PTPRD: variants seen among roughly 807,000 people sequenced by gnomAD.
The protein encoded by PTPRD is receptor-type tyrosine-protein phosphatase delta.
A neutral mutation model predicts 214.5 loss-of-function variants in PTPRD; 34 were observed. The observed-to-expected ratio is 0.16, with a 90% CI of 0.12 to 0.21. PTPRD has a LOEUF of 0.21. Ranked by LOEUF, PTPRD falls within the 10% of genes least tolerant of loss-of-function variation. The pLI is 1.00. For synonymous variants in PTPRD, 1,128 were observed against 845.7 expected, an observed-to-expected ratio of 1.33 and a Z score of -5.79; for missense variants, 2,545 against 2,398.7, an observed-to-expected ratio of 1.06 and a Z score of -1.27.
At chr9:9,911,810 A>C (rs1393917641) in intron 5 of PTPRD, among the ~76,000 whole-genome samples, 2 of 152,092 alleles carry the variant, frequency 1.3e-5, no homozygotes, top group African/African-American at 2.4e-5. Context: ...AAAATAATTC[A>C]TTTTAAAAAT....
chr9:8,376,641 G>A lies in PTPRD; in HGVS notation c.4472C>T (p.Ala1491Val). ...QVTLLDTVELATYCVRTFALY... is the reference protein window; with the variant it reads ...QVTLLDTVELVTYCVRTFALY... ...TGCAAATGTTCGAACACAATATGTG[G>A]CCAGCTCCACAGTATCAAGCAGCGT... Residue 1491 changes from alanine (A) to valine (V), a missense_variant, in exon 38 of 46, where the codon GCC becomes GTC. By Grantham distance (64) the Ala-to-Val change is moderately conservative. Transcript: ENST00000381196. 3.1e-6 allele frequency: 5 copies of A among 1,613,026 alleles called. No individual in the cohort carries two copies. The highest frequency in any genetic ancestry group is 4.2e-6 in the Non-Finnish European group (5 of 1,179,314).
chr9:9,461,338 C>A (rs763979413), intron 8 of PTPRD, among the ~76,000 whole-genome samples: 2 of 151,968 alleles, frequency 1.3e-5, no homozygotes, highest in African/African-American at 2.4e-5. Context: ...TAAATAAAAT[C>A]ATATCATTGT....
chr9:8,943,580 T>G (rs1203374051), intron 11 of PTPRD, among the ~76,000 whole-genome samples: 1 of 144,440 alleles, frequency 6.9e-6, no homozygotes, highest in Non-Finnish European at 1.6e-5. Flanking sequence ...ATTTATTTTA[T>G]TTATTGATTT....
chr9:8,596,707 AC>A (rs1422971996), intron 14 of PTPRD, among the ~76,000 whole-genome samples: 3 of 152,138 alleles, frequency 2.0e-5, no homozygotes, highest in Non-Finnish European at 4.4e-5. Flanking sequence ...CACATAAACT[AC>A]ATTTAATAAA....
chr9:8,807,204 G>A (rs767178947), intron 11 of PTPRD, among the ~76,000 whole-genome samples: 1 of 152,086 alleles, frequency 6.6e-6, no homozygotes, highest in African/African-American at 2.4e-5. Context: ...AGGCATGGTA[G>A]TGCATGCCTG....
At chr9:8,339,310 T>C (rs988276451) in intron 42 of PTPRD, among the ~76,000 whole-genome samples, 11 of 152,084 alleles carry the variant, frequency 7.2e-5, no homozygotes, top group Non-Finnish European at 8.8e-5. Flanking sequence ...ACGAGTTGAA[T>C]TGAGAATTGA....
intron 11 of PTPRD, among the ~76,000 whole-genome samples, chr9:9,017,738 T>C (rs1295291339): frequency 6.6e-6 from 1 of 152,172 alleles, no homozygotes; most frequent in Non-Finnish European, 1.5e-5. Context: ...TTTTTCTTTT[T>C]CAATGAAATA....
At chr9:8,623,856 T>G (rs2095905152) in intron 14 of PTPRD, among the ~76,000 whole-genome samples, 1 of 151,848 alleles carries the variant, frequency 6.6e-6, no homozygotes. Context: ...CTTCTATCAC[T>G]TCCTACACCA....
intron 10 of PTPRD, among the ~76,000 whole-genome samples, chr9:9,154,203 C>G (rs902618402): frequency 7.2e-5 from 11 of 152,158 alleles, no homozygotes; most frequent in Non-Finnish European, 1.5e-4. Flanking sequence ...CAATGAATTA[C>G]AGACTTGTGA....
At chr9:9,510,146 G>C (rs1486411512) in intron 8 of PTPRD, among the ~76,000 whole-genome samples, 2 of 151,616 alleles carry the variant, frequency 1.3e-5, no homozygotes, top group African/African-American at 4.8e-5. Context: ...GTTCCATATG[G>C]GTGGAGTAGC....
intron 7 of PTPRD, 46 bp from the exon 8 acceptor site, chr9:9,574,827 A>C (rs1468679144): frequency 6.6e-6 from 1 of 152,162 alleles, no homozygotes; most frequent in Non-Finnish European, 1.5e-5. Flanking sequence ...ACTAGTGTTC[A>C]ATTTAAATTA....
In PTPRD at chr9:8,790,828, C is replaced by T. The variant is rs78646035; in HGVS notation, c.-103-56882G>A. ...TTGTACTTTATTCTATAGACCTATG[C>T]TATCCAAAGCTATTTAAATTAATTT... On this transcript the variant is annotated intron_variant, in intron 11 of 45. Coordinates refer to ENST00000381196, the MANE Select transcript of PTPRD (RefSeq NM_002839.4). Among the ~76,000 whole-genome samples, 13 of 151,056 alleles carry T rather than the reference C, an allele frequency of 8.6e-5. No individual in the cohort carries two copies. In the East Asian group the frequency reaches 2.5e-3, roughly 29 times the overall value.
intron 12 of PTPRD, among the ~76,000 whole-genome samples, chr9:8,703,476 G>A (rs1406660478): frequency 1.3e-5 from 2 of 152,100 alleles, no homozygotes; most frequent in East Asian, 3.9e-4. Flanking sequence ...CAAGTCCAAT[G>A]GACATGTTCA....
intron 3 of PTPRD, among the ~76,000 whole-genome samples, chr9:10,299,263 C>T (rs1041214398): frequency 6.6e-6 from 1 of 151,976 alleles, no homozygotes; most frequent in African/African-American, 2.4e-5. Context: ...TTATTAACTG[C>T]AGAATATTTT....
chr9:8,906,482 T>C (rs1471761162), intron 11 of PTPRD, among the ~76,000 whole-genome samples: 1 of 152,162 alleles, frequency 6.6e-6, no homozygotes, highest in East Asian at 1.9e-4. Flanking sequence ...CCTCAAGAGG[T>C]GATCAAAGAA....
intron 37 of PTPRD, among the ~76,000 whole-genome samples, chr9:8,381,356 T>C (rs12001008): frequency 0.01 from 1,586 of 152,324 alleles, 25 homozygotes; most frequent in African/African-American, 0.036. Context: ...TATTTATTTC[T>C]ACAGGTTATA....
At chr9:10,112,576 T>C (rs948744685) in intron 3 of PTPRD, among the ~76,000 whole-genome samples, 3 of 152,184 alleles carry the variant, frequency 2.0e-5, no homozygotes, top group Non-Finnish European at 4.4e-5. Flanking sequence ...GAATGCTAGA[T>C]GTGTAACAGC....
chr9:9,747,765 C>A (rs1245211372), intron 6 of PTPRD, among the ~76,000 whole-genome samples: 1 of 152,052 alleles, frequency 6.6e-6, no homozygotes, highest in Non-Finnish European at 1.5e-5. Flanking sequence ...TTTGGCCGGG[C>A]TGGTCTCAAA....
chr9:10,451,986 A>C (rs1463488541), intron 2 of PTPRD, among the ~76,000 whole-genome samples: 1 of 152,006 alleles, frequency 6.6e-6, no homozygotes, highest in Admixed American at 6.6e-5. Flanking sequence ...GGAGCAAAGA[A>C]AGAGCTTTCC....
Sources: allele counts gnomAD v4.1 joint callset (sites outside exome capture counted in the v4.1 genomes callset), GRCh38; gene constraint gnomAD v4.1.1; transcripts MANE v1.5; gene names NCBI Gene and HGNC (gene_info 2026-07-23, HGNC 2026-07-21).